CSMD1: variants seen among roughly 807,000 people sequenced by gnomAD.
CSMD1 encodes CUB and sushi domain-containing protein 1.
CSMD1 carries 213 observed loss-of-function variants against 417.5 expected under a neutral mutation model. The observed-to-expected ratio is 0.51, with a 90% CI of 0.46 to 0.57. The LOEUF (loss-of-function observed/expected upper bound fraction) is 0.57. Among genes scored for constraint, CSMD1 ranks in the 20% least tolerant of loss-of-function variants. The pLI is 0.00. For missense variants in CSMD1, 6,923 were observed against 4,529.7 expected (o/e 1.53, Z -15.17); for synonymous variants, 2,862 against 1,736.8 (o/e 1.65, Z -16.11).
intron 2 of CSMD1, among the ~76,000 whole-genome samples, chr8:4,603,953 A>G (rs73504846): frequency 6.4e-4 from 98 of 152,296 alleles, no homozygotes; most frequent in African/African-American, 2.3e-3. Flanking sequence ...ATGTACATCT[A>G]TATACATTTC....
At chr8:3,110,720 A>T (rs568896202) in intron 42 of CSMD1, among the ~76,000 whole-genome samples, 27 of 152,290 alleles carry the variant, frequency 1.8e-4, no homozygotes, top group African/African-American at 6.3e-4. Flanking sequence ...TCTAACTCAC[A>T]CTGCTAGACC....
intron 21 of CSMD1, among the ~76,000 whole-genome samples, chr8:3,354,730 T>G (rs1024652944): frequency 6.6e-6 from 1 of 151,560 alleles, no homozygotes; most frequent in Non-Finnish European, 1.5e-5. Flanking sequence ...GTTGTTTCAA[T>G]TTTTTAACCC....
chr8:4,269,860 G>C (rs1011182705), intron 3 of CSMD1, among the ~76,000 whole-genome samples: 2 of 152,252 alleles, frequency 1.3e-5, no homozygotes, highest in African/African-American at 4.8e-5. Flanking sequence ...AAAATGTCTT[G>C]AAGTTATTGC....
chr8:3,464,844 A>G (rs1197974628), intron 12 of CSMD1, among the ~76,000 whole-genome samples: 1 of 152,128 alleles, frequency 6.6e-6, no homozygotes, highest in Non-Finnish European at 1.5e-5. Context: ...GTTTTAAACA[A>G]AGCTTACCTC....
chr8:4,006,236 G>T (rs137986363), intron 4 of CSMD1, among the ~76,000 whole-genome samples: 8 of 152,260 alleles, frequency 5.3e-5, no homozygotes, highest in Admixed American at 3.9e-4. Flanking sequence ...GACTTTGTGC[G>T]CAGGAGTAAG....
intron 5 of CSMD1, among the ~76,000 whole-genome samples, chr8:3,947,462 T>A (rs1030942729): frequency 7.9e-5 from 12 of 152,206 alleles, no homozygotes; most frequent in African/African-American, 2.7e-4. Context: ...CTGTTTTCGT[T>A]TCATCCAGTT....
intron 3 of CSMD1, among the ~76,000 whole-genome samples, chr8:4,163,687 A>G (rs188526792): frequency 6.6e-6 from 1 of 152,164 alleles, no homozygotes; most frequent in African/African-American, 2.4e-5. Context: ...GAAGTAACAT[A>G]TAAATAATAA....
chr8:4,028,876 G>A (rs1168999447), intron 4 of CSMD1, among the ~76,000 whole-genome samples: 1 of 152,154 alleles, frequency 6.6e-6, no homozygotes, highest in Non-Finnish European at 1.5e-5. Context: ...TTTTTCTTAG[G>A]AAAGTCAAAA....
intron 27 of CSMD1, among the ~76,000 whole-genome samples, chr8:3,224,276 T>C (rs1233893044): frequency 3.3e-5 from 5 of 152,244 alleles, no homozygotes; most frequent in African/African-American, 1.2e-4. Context: ...CCATGTTAAT[T>C]ATTTTGCTAT....
At chr8:3,231,746 T>C (rs981730638) in intron 26 of CSMD1, among the ~76,000 whole-genome samples, 2 of 152,184 alleles carry the variant, frequency 1.3e-5, no homozygotes, top group Non-Finnish European at 2.9e-5. Context: ...AAGGATCCTA[T>C]AGTTGGTCAG....
intron 3 of CSMD1, among the ~76,000 whole-genome samples, chr8:4,112,044 G>T (rs572544207): frequency 6.6e-6 from 1 of 151,472 alleles, no homozygotes; most frequent in Non-Finnish European, 1.5e-5. Context: ...TCTACTTTAT[G>T]TTAACATTTG....
intron 3 of CSMD1, among the ~76,000 whole-genome samples, chr8:4,277,270 G>C (rs181380895): frequency 7.9e-5 from 12 of 152,060 alleles, no homozygotes; most frequent in Non-Finnish European, 1.6e-4. Context: ...TTATGAAGTT[G>C]GGTTGTATTC....
chr8:3,867,552 A>C (rs1805187844), intron 5 of CSMD1, among the ~76,000 whole-genome samples: 1 of 152,160 alleles, frequency 6.6e-6, no homozygotes. Context: ...CTAGTGAGAG[A>C]CGTCTAATCC....
At chr8:4,601,799 G>C (rs1800600210) in intron 2 of CSMD1, among the ~76,000 whole-genome samples, 1 of 152,148 alleles carries the variant, frequency 6.6e-6, no homozygotes, top group Non-Finnish European at 1.5e-5. Context: ...GAGTAAACTT[G>C]ATTTATCCAT....
chr8:3,847,148 C>T (rs1011583296), intron 5 of CSMD1, among the ~76,000 whole-genome samples: 1 of 152,096 alleles, frequency 6.6e-6, no homozygotes, highest in Non-Finnish European at 1.5e-5. Context: ...GGACCTGTGA[C>T]TGGCTTTTAA....
intron 1 of CSMD1, among the ~76,000 whole-genome samples, chr8:4,740,684 C>T (rs926411529): frequency 1.3e-5 from 2 of 152,170 alleles, no homozygotes; most frequent in Admixed American, 1.3e-4. Context: ...AGAATCTACT[C>T]AAGGAGGGTG....
chr8:4,440,407 C>G lies in CSMD1; in HGVS notation c.303-20342G>C, dbSNP rs185578894. On this transcript the variant is annotated intron_variant, in intron 2 of 69. Transcript: ENST00000635120. ...AGTCAGAGGATTGCTCTCACTCACA[C>G]CTATATCTAATTATCCCTTTTCCCC... Among the ~76,000 whole-genome samples the G allele has an allele frequency of 8.0e-4, 122 of 152,230 alleles. 1 individual carries two copies. Among genetic ancestry groups the G allele is most frequent in the Admixed American group, 4.3e-3 (65 of 15,282 alleles).
intron 2 of CSMD1, among the ~76,000 whole-genome samples, chr8:4,448,257 G>A (rs11776192): frequency 6.6e-6 from 1 of 152,102 alleles, no homozygotes; most frequent in Non-Finnish European, 1.5e-5. Context: ...AGCCCATTTA[G>A]CAAAGCATTT....
intron 27 of CSMD1, among the ~76,000 whole-genome samples, chr8:3,227,669 G>C (rs946403520): frequency 6.6e-6 from 1 of 151,738 alleles, no homozygotes; most frequent in Non-Finnish European, 1.5e-5. Context: ...AAAACGAGTA[G>C]AAAATACATA....
Sources: allele counts gnomAD v4.1 joint callset (sites outside exome capture counted in the v4.1 genomes callset), GRCh38; gene constraint gnomAD v4.1.1; transcripts MANE v1.5; gene names NCBI Gene and HGNC (gene_info 2026-07-23, HGNC 2026-07-21).